The following MZT1 variants were observed in gnomAD, a reference collection of about 807,000 sequenced individuals.
MZT1 encodes mitotic spindle organizing protein 1.
In MZT1, 8 loss-of-function variants were observed where a neutral mutation model predicts 8.5. That is an observed-to-expected ratio of 0.94 (90% confidence interval 0.55 to 1.70). The LOEUF (loss-of-function observed/expected upper bound fraction) is 1.70. Ranked by LOEUF, MZT1 falls within the 40% of genes most tolerant of loss-of-function variation. The pLI, the probability that MZT1 is intolerant of heterozygous loss-of-function variation, is 0.00. For missense variants in MZT1, 93 were observed against 108.6 expected (o/e 0.86, Z 0.64); for synonymous variants, 38 against 42.0 (o/e 0.90, Z 0.37).
At chr13:72,717,761 CTAA>C (rs2032549934) in intron 2 of MZT1, among the ~76,000 whole-genome samples, 1 of 152,180 alleles carries the variant, frequency 6.6e-6, no homozygotes, top group East Asian at 1.9e-4. Flanking sequence ...CATTCTGATC[CTAA>C]TGTTAGTCTC....
intron 2 of MZT1, among the ~76,000 whole-genome samples, chr13:72,711,542 C>T (rs926635787): frequency 6.6e-6 from 1 of 151,902 alleles, no homozygotes; most frequent in African/African-American, 2.4e-5. Context: ...CAGTTTTTTG[C>T]AACATTTCAA....
intron 2 of MZT1, among the ~76,000 whole-genome samples, chr13:72,711,196 C>A (rs2032485974): frequency 6.6e-6 from 1 of 152,072 alleles, no homozygotes; most frequent in African/African-American, 2.4e-5. Context: ...CAGAACTTCT[C>A]AAATTACAAT....
intron 2 of MZT1, among the ~76,000 whole-genome samples, chr13:72,711,673 T>C (rs890270312): frequency 6.8e-6 from 1 of 146,524 alleles, no homozygotes; most frequent in Non-Finnish European, 1.5e-5. Flanking sequence ...AATTTCTCTT[T>C]ACCTTAATTT....
chr13:72,711,724 A>C (rs977968379), intron 2 of MZT1, among the ~76,000 whole-genome samples: 11 of 152,160 alleles, frequency 7.2e-5, no homozygotes, highest in Admixed American at 5.2e-4. Context: ...AATGAGAAAA[A>C]AATTCATGAG....
At chr13:72,710,533 T>A (rs2032478635) in intron 2 of MZT1, among the ~76,000 whole-genome samples, 188 bp from the exon 3 acceptor site, 1 of 152,162 alleles carries the variant, frequency 6.6e-6, no homozygotes, top group African/African-American at 2.4e-5. Flanking sequence ...GAATGTACAG[T>A]TAACAGTCCA....
Position 72,708,885 on chromosome 13 carries a change from C to A in MZT1, c.*1437G>T, listed in dbSNP as rs953410659. The A allele has an allele frequency of 6.7e-6, 1 of 148,954 alleles. No homozygotes were observed. Among genetic ancestry groups the A allele is most frequent in the Non-Finnish European group, 1.5e-5 (1 of 67,354 alleles). The allele number at this position is 148,954 out of a possible 1,614,324, so 9.2% of individuals were successfully genotyped here. A position where few individuals can be genotyped will look rare whatever the true frequency, so the allele number is the denominator to read the frequency against. Reference sequence around the variant, plus strand: ...TAAATATTACCAAATCTTAATAAAACCACTTCAGCTTGTCTGAAAAACAAA... The same window carrying A: ...TAAATATTACCAAATCTTAATAAAAACACTTCAGCTTGTCTGAAAAACAAA... On this transcript the variant is annotated 3_prime_UTR_variant, in exon 3 of 3. Coordinates refer to ENST00000377818, the MANE Select transcript of MZT1 (RefSeq NM_001071775.3).
intron 1 of MZT1, among the ~76,000 whole-genome samples, chr13:72,721,031 C>CG (rs549002683): frequency 4.6e-5 from 7 of 151,934 alleles, no homozygotes; most frequent in East Asian, 1.9e-4. Context: ...TCTGTGTGAT[C>CG]GGGGGGGTGT....
chr13:72,726,186 T>C (rs1198458327), intron 1 of MZT1, among the ~76,000 whole-genome samples: 2 of 152,136 alleles, frequency 1.3e-5, no homozygotes, highest in Non-Finnish European at 2.9e-5. Flanking sequence ...TCCTAGCATT[T>C]TGGGAGGCCG....
chr13:72,721,396 C>T lies in MZT1; in HGVS notation c.80-2299G>A, dbSNP rs151312796. ...CACTATCCTCAGCCCTGTGTAAGCA[C>T]GGTGCACGGTTCACTCTAATCCTTC... is the stretch of plus-strand genomic sequence containing the variant. On this transcript the variant is annotated intron_variant, in intron 1 of 2. Transcript: ENST00000377818. Among the ~76,000 whole-genome samples the T allele has an allele frequency of 3.3e-5, 5 of 152,298 alleles. No individual in the cohort carries two copies. In the East Asian group the frequency reaches 9.6e-4, roughly 29 times the overall value.
chr13:72,710,401 G>T, intron 2 of MZT1, 56 bp from the exon 3 acceptor site: 1 of 1,570,820 alleles, frequency 6.4e-7, no homozygotes, highest in Non-Finnish European at 8.8e-7. Flanking sequence ...GAGGCATCAT[G>T]AAGATAAATT....
intron 1 of MZT1, among the ~76,000 whole-genome samples, chr13:72,726,292 G>A (rs947882823): frequency 9.2e-5 from 14 of 152,216 alleles, no homozygotes; most frequent in Middle Eastern, 3.4e-3. Context: ...TTAGCCGGGT[G>A]TTCTGGCGGG....
At chr13:72,727,178 T>C (rs745942691) in intron 1 of MZT1, among the ~76,000 whole-genome samples, 68 of 152,032 alleles carry the variant, frequency 4.5e-4, no homozygotes, top group Non-Finnish European at 5.9e-4. Flanking sequence ...ACGGGTGTAC[T>C]GGGTGGGGTG....
intron 2 of MZT1, among the ~76,000 whole-genome samples, chr13:72,717,703 C>T (rs2032549502): frequency 1.3e-5 from 2 of 152,222 alleles, no homozygotes; most frequent in South Asian, 4.2e-4. Context: ...TCCCCATTTC[C>T]ATCTGGGTCT....
intron 1 of MZT1, among the ~76,000 whole-genome samples, chr13:72,722,266 G>T (rs953170441): frequency 1.3e-5 from 2 of 152,138 alleles, no homozygotes; most frequent in Non-Finnish European, 2.9e-5. Flanking sequence ...CACCATTCTC[G>T]AAAGTGAGGA....
intron 2 of MZT1, among the ~76,000 whole-genome samples, chr13:72,714,940 T>A (rs9543093): frequency 0.88 from 134,065 of 152,218 alleles, 61,131 homozygotes; most frequent in Non-Finnish European, 0.99. Context: ...CCCTACACAA[T>A]GTCCTCACTG....
rs773101862 is a variant in MZT1, at chr13:72,719,076, A to G, written c.101T>C (p.Ile34Thr). The G allele has an allele frequency of 1.0e-5, 16 of 1,543,148 alleles. No homozygotes were observed. Among genetic ancestry groups the G allele is most frequent in the Non-Finnish European group, 1.3e-5 (15 of 1,156,406 alleles). The change falls in exon 2 of 3, where the codon ATT becomes ACT. Residue 34 changes from isoleucine (I) to threonine (T), a missense_variant. Ile to Thr is a moderately conservative substitution (Grantham distance 89). Transcript: ENST00000377818. Reference protein sequence around the residue: ...TMDVLLEISRILNTGLDMETL... With the variant: ...TMDVLLEISRTLNTGLDMETL... ...TTCCATATCTAAGCCAGTATTCAAAATTCTTGAAATCTCAAGCAGAACTGA... is the reference window on the plus strand; with the variant it reads ...TTCCATATCTAAGCCAGTATTCAAAGTTCTTGAAATCTCAAGCAGAACTGA...
At chr13:72,724,238 T>C (rs1471054242) in intron 1 of MZT1, among the ~76,000 whole-genome samples, 1 of 152,202 alleles carries the variant, frequency 6.6e-6, no homozygotes, top group Non-Finnish European at 1.5e-5. Context: ...AAGGACTTTT[T>C]GGCTGAGTAT....
chr13:72,724,817 T>G (rs1471704503), intron 1 of MZT1, among the ~76,000 whole-genome samples: 1 of 141,748 alleles, frequency 7.1e-6, no homozygotes, highest in African/African-American at 2.6e-5. Flanking sequence ...TTTGGGAGGC[T>G]GAGGCGGGTG....
chr13:72,719,662 T>C (rs940715293), intron 1 of MZT1, among the ~76,000 whole-genome samples: 1 of 152,180 alleles, frequency 6.6e-6, no homozygotes, highest in Non-Finnish European at 1.5e-5. Context: ...AATGTACATA[T>C]TTAAGGCTTT....
Sources: gnomAD v4.1 joint callset for allele counts (sites outside exome capture counted in the v4.1 genomes callset) on GRCh38, gnomAD v4.1.1 for gene constraint, MANE v1.5 for transcripts, NCBI Gene and HGNC (gene_info 2026-07-23, HGNC 2026-07-21) for gene names.